UGT2B15: variants seen among roughly 807,000 people sequenced by gnomAD.
UGT2B15 encodes UDP glucuronosyltransferase family 2 member B15, also known as UDP-glucuronosyltransferase 2B15.
Under a neutral mutation model 45.9 loss-of-function variants are expected in UGT2B15, and 36 were observed. That is an observed-to-expected ratio of 0.78 (90% CI 0.60 to 1.04). The LOEUF is 1.04. Among genes scored for constraint, UGT2B15 ranks in the 50% least tolerant of loss-of-function variants. The pLI is 0.00. For synonymous variants in UGT2B15, 219 were observed against 216.4 expected (o/e 1.01, Z -0.11); for missense variants, 617 against 622.4 (o/e 0.99, Z 0.09).
chr4:68,650,055 C>G (rs749366727), intron 5 of UGT2B15, among the ~76,000 whole-genome samples: 1 of 151,880 alleles, frequency 6.6e-6, no homozygotes, highest in African/African-American at 2.4e-5. Context: ...AGTATGGTCT[C>G]GATATCTTGA....
intron 3 of UGT2B15, among the ~76,000 whole-genome samples, chr4:68,658,518 A>G (rs1273788142): frequency 2.0e-5 from 3 of 152,108 alleles, no homozygotes; most frequent in Admixed American, 1.3e-4. Flanking sequence ...ATTTGACATA[A>G]GGGTTACAAA....
intron 5 of UGT2B15, among the ~76,000 whole-genome samples, chr4:68,653,461 T>C (rs1477728285): frequency 6.6e-6 from 1 of 152,016 alleles, no homozygotes; most frequent in East Asian, 1.9e-4. Flanking sequence ...CAAAGTAAGA[T>C]GGTATTTTTC....
chr4:68,654,763 C>A (rs1034938944), intron 4 of UGT2B15, among the ~76,000 whole-genome samples: 1 of 151,734 alleles, frequency 6.6e-6, no homozygotes, highest in Non-Finnish European at 1.5e-5. Context: ...TGAAATAACC[C>A]TGCAGTAGGG....
At chr4:68,649,839 CT>C (rs1732598941) in intron 5 of UGT2B15, among the ~76,000 whole-genome samples, 1 of 150,526 alleles carries the variant, frequency 6.6e-6, no homozygotes, top group Non-Finnish European at 1.5e-5. Flanking sequence ...TGTTTTTTTG[CT>C]TTTTTGTTTT....
At chr4:68,650,990 GTGT>G (rs1456421756) in intron 5 of UGT2B15, among the ~76,000 whole-genome samples, 3 of 104,770 alleles carry the variant, frequency 2.9e-5, no homozygotes, top group African/African-American at 9.5e-5. Flanking sequence ...CTTTTTGATG[GTGT>G]TGTTTTTTTT....
At chr4:68,650,832 A>G (rs1208481995) in intron 5 of UGT2B15, among the ~76,000 whole-genome samples, 1 of 151,996 alleles carries the variant, frequency 6.6e-6, no homozygotes, top group Non-Finnish European at 1.5e-5. Flanking sequence ...CTTTTTAATC[A>G]TCGCCATTCT....
chr4:68,648,352 C>T (rs1466236259), intron 5 of UGT2B15, among the ~76,000 whole-genome samples: 3 of 151,920 alleles, frequency 2.0e-5, no homozygotes, highest in Admixed American at 1.3e-4. Flanking sequence ...CTCACCTTAG[C>T]CCCTTTACAC....
At chr4:68,651,433 G>A (rs917227209) in intron 5 of UGT2B15, among the ~76,000 whole-genome samples, 1 of 151,898 alleles carries the variant, frequency 6.6e-6, no homozygotes, top group African/African-American at 2.4e-5. Context: ...GCTTGTTTTT[G>A]TATGGTTTGT....
intron 5 of UGT2B15, among the ~76,000 whole-genome samples, chr4:68,648,858 T>G (rs1389303635): frequency 6.6e-6 from 1 of 152,082 alleles, no homozygotes; most frequent in Non-Finnish European, 1.5e-5. Context: ...ATAGCATTGG[T>G]GTAGAGAGTA....
chr4:68,656,528 C>T (rs1032010029), intron 3 of UGT2B15, among the ~76,000 whole-genome samples: 13 of 151,862 alleles, frequency 8.6e-5, no homozygotes, highest in Non-Finnish European at 1.6e-4. Flanking sequence ...TCTTTGCAGA[C>T]GCAAAAGAGA....
At chr4:68,654,963 TA>T in intron 4 of UGT2B15, 131 bp downstream of exon 4, 1 of 1,139,410 alleles carries the variant, frequency 8.8e-7, no homozygotes, top group Middle Eastern at 2.9e-4. Context: ...AAAATAAATA[TA>T]AAGTAGTTAA....
intron 2 of UGT2B15, among the ~76,000 whole-genome samples, chr4:68,666,252 C>G (rs1245477163): frequency 1.3e-5 from 2 of 152,112 alleles, no homozygotes; most frequent in Non-Finnish European, 2.9e-5. Context: ...CAAACTTAAA[C>G]ATTTACATTT....
Position 68,655,000 on chromosome 4 carries a change from A to G in UGT2B15, c.1093+95T>C, listed in dbSNP as rs1012599352. 79 of 1,429,526 alleles carry G rather than the reference A, an allele frequency of 5.5e-5. 1 individual carries two copies. The African/African-American group carries it at 6.2e-4, about 11-fold the overall frequency. The allele number at this position is 1,429,526 out of a possible 1,614,324, so 88.6% of individuals were successfully genotyped here. Reference sequence around the variant, plus strand: ...ATTTGATTTGTTTTTTAGTTTTCCAATAATAAATGCTAAATATGTTTGTTT... The same window carrying G: ...ATTTGATTTGTTTTTTAGTTTTCCAGTAATAAATGCTAAATATGTTTGTTT... On this transcript the variant is annotated intron_variant, in intron 4 of 5. Transcript: ENST00000338206.
rs1241592565 is a variant in UGT2B15 at position 68,646,641 on chromosome 4, G to A, written c.*463C>T. The A allele has an allele frequency of 1.4e-5, 2 of 146,908 alleles. No homozygotes were observed. Among genetic ancestry groups the A allele is most frequent in the African/African-American group, 5.1e-5 (2 of 39,290 alleles). The allele number at this position is 146,908 out of a possible 1,614,324, so 9.1% of individuals were successfully genotyped here. A position where few individuals can be genotyped will look rare whatever the true frequency, so the allele number is the denominator to read the frequency against. ...TATTTTTCTTTTCTTTTTTTTTTAT[G>A]GCTTGGATGACACTTTATTTTCAGA... On this transcript the variant is annotated 3_prime_UTR_variant, in exon 6 of 6. Transcript: ENST00000338206.
chr4:68,646,903 A>G lies in UGT2B15; in HGVS notation c.*201T>C. Reference sequence around the variant, plus strand: ...TATCCTTCCCCCCATTGTATTTTTCATAGCTTAAAAATCATTGACATAGAA... The same window carrying G: ...TATCCTTCCCCCCATTGTATTTTTCGTAGCTTAAAAATCATTGACATAGAA... On this transcript the variant is annotated 3_prime_UTR_variant, in exon 6 of 6. Coordinates refer to ENST00000338206, the MANE Select transcript of UGT2B15 (RefSeq NM_001076.4). 2.5e-6 allele frequency: 2 copies of G among 796,912 alleles called. No homozygotes were observed. Among genetic ancestry groups the G allele is most frequent in the Non-Finnish European group, 3.8e-6 (2 of 529,346 alleles). 49.4% of individuals were successfully genotyped at this position (796,912 alleles called of 1,614,324 possible).
At chr4:68,658,788 T>C (rs1466670224) in intron 3 of UGT2B15, among the ~76,000 whole-genome samples, 2 of 152,036 alleles carry the variant, frequency 1.3e-5, no homozygotes, top group Non-Finnish European at 2.9e-5. Flanking sequence ...TTTCAACTCA[T>C]ATAAGTTTTT....
At chr4:68,666,282 C>A (rs1267389276) in intron 2 of UGT2B15, among the ~76,000 whole-genome samples, 1 of 152,126 alleles carries the variant, frequency 6.6e-6, no homozygotes, top group African/African-American at 2.4e-5. Context: ...CACAGAGTAT[C>A]TGTTCTCTAG....
At chr4:68,668,316 T>G in intron 1 of UGT2B15, 128 bp from the exon 2 acceptor site, 1 of 1,319,410 alleles carries the variant, frequency 7.6e-7, no homozygotes, top group South Asian at 1.7e-5. Flanking sequence ...TGTGCATTGA[T>G]AAAATATATA....
intron 3 of UGT2B15, among the ~76,000 whole-genome samples, chr4:68,661,527 A>C (rs1282839630): frequency 2.6e-5 from 4 of 151,896 alleles, no homozygotes; most frequent in African/African-American, 9.7e-5. Flanking sequence ...ATTTAATATA[A>C]ATTTATTAAT....
Sources: allele counts gnomAD v4.1 joint callset (sites outside exome capture counted in the v4.1 genomes callset), GRCh38; gene constraint gnomAD v4.1.1; transcripts MANE v1.5; gene names NCBI Gene and HGNC (gene_info 2026-07-23, HGNC 2026-07-21).